PLCXD2: variants seen among roughly 807,000 people sequenced by gnomAD.
PLCXD2 encodes the protein PI-PLC X domain-containing protein 2.
A neutral mutation model predicts 28.6 loss-of-function variants in PLCXD2; 21 were observed. That is an observed-to-expected ratio of 0.73 (90% CI 0.52 to 1.06). The LOEUF is 1.06. Among genes scored for constraint, PLCXD2 ranks in the 50% least tolerant of loss-of-function variants. PLCXD2 has a pLI of 0.00. For synonymous variants in PLCXD2, 140 were observed against 150.1 expected (o/e 0.93, Z 0.49); for missense variants, 369 against 376.7 (o/e 0.98, Z 0.17).
intron 1 of PLCXD2, among the ~76,000 whole-genome samples, chr3:111,695,534 GA>G (rs1301274233): frequency 6.6e-6 from 1 of 152,218 alleles, no homozygotes; most frequent in East Asian, 1.9e-4. Context: ...CCAACACTGT[GA>G]AACTGCAACA....
At chr3:111,681,957 T>A (rs768076750) in intron 1 of PLCXD2, among the ~76,000 whole-genome samples, 1 of 152,204 alleles carries the variant, frequency 6.6e-6, no homozygotes, top group Non-Finnish European at 1.5e-5. Context: ...CAAACCACTT[T>A]GCCAATGCTG....
At chr3:111,690,190 G>C (rs1429712504) in intron 1 of PLCXD2, among the ~76,000 whole-genome samples, 1 of 152,178 alleles carries the variant, frequency 6.6e-6, no homozygotes, top group Non-Finnish European at 1.5e-5. Flanking sequence ...GTCATTGATA[G>C]AGTTGGAGAT....
intron 1 of PLCXD2, among the ~76,000 whole-genome samples, chr3:111,705,410 T>C (rs185344491): frequency 3.7e-4 from 56 of 152,330 alleles, no homozygotes; most frequent in African/African-American, 1.3e-3. Flanking sequence ...CATTCGTTGG[T>C]TGATGAATAT....
At chr3:111,705,908 C>T (rs906810507) in intron 1 of PLCXD2, among the ~76,000 whole-genome samples, 3 of 149,804 alleles carry the variant, frequency 2.0e-5, no homozygotes, top group African/African-American at 7.3e-5. Flanking sequence ...GCTGGAGTGC[C>T]GTGGTACGAT....
intron 1 of PLCXD2, among the ~76,000 whole-genome samples, chr3:111,707,138 T>C (rs1941131641): frequency 6.6e-6 from 1 of 152,160 alleles, no homozygotes; most frequent in Non-Finnish European, 1.5e-5. Context: ...AGGAACAGAA[T>C]GTGCGTTTGG....
intron 2 of PLCXD2, among the ~76,000 whole-genome samples, chr3:111,712,388 G>A (rs1941211076): frequency 6.6e-6 from 1 of 152,092 alleles, no homozygotes; most frequent in Admixed American, 6.5e-5. Context: ...TGCACAGGAC[G>A]GCTTTCCTCA....
At chr3:111,705,303 G>A (rs1163274855) in intron 1 of PLCXD2, among the ~76,000 whole-genome samples, 1 of 152,004 alleles carries the variant, frequency 6.6e-6, no homozygotes, top group Non-Finnish European at 1.5e-5. Flanking sequence ...TGAACATAAC[G>A]TCCCCAGGCT....
Position 111,707,445 on chromosome 3 carries a change from A to G in PLCXD2, c.164-481A>G, listed in dbSNP as rs186941835. On this transcript the variant is annotated intron_variant, in intron 1 of 4. Transcript: ENST00000477665. ...ACCCTCTGTTTCAATGATGGCATGA[A>G]TAAAGTGGATATACCACAACAAAGC... 1.9e-3 allele frequency among the ~76,000 whole-genome samples: 290 copies of G among 152,342 alleles called. 1 individual carries two copies. The highest frequency in any genetic ancestry group is 6.8e-3 in the African/African-American group (281 of 41,584).
intron 1 of PLCXD2, among the ~76,000 whole-genome samples, chr3:111,692,018 G>A (rs919927772): frequency 4.6e-5 from 7 of 152,178 alleles, no homozygotes; most frequent in African/African-American, 1.7e-4. Context: ...AAAACACTGG[G>A]GAGATAAACT....
chr3:111,708,105 C>T lies in PLCXD2; in HGVS notation c.343C>T (p.Leu115=), dbSNP rs1232989406. The change falls in exon 2 of 5, where the codon CTG becomes TTG. Residue 115 remains leucine (L), a synonymous_variant. Coordinates refer to ENST00000477665, the MANE Select transcript of PLCXD2 (RefSeq NM_001185106.1). ...GGAAGCTGGGATCCGCTACTTTGAC[C>T]TGCGTGTGTCTTCCAAACCAGGGGA... is the stretch of plus-strand genomic sequence containing the variant. 5 of 1,614,130 alleles carry T rather than the reference C, an allele frequency of 3.1e-6. No homozygotes were observed. Among genetic ancestry groups the T allele is most frequent in the South Asian group, 1.1e-5 (1 of 91,090 alleles).
chr3:111,715,396 A>G lies in PLCXD2; in HGVS notation c.866+1268A>G, dbSNP rs146112206. Among the ~76,000 whole-genome samples the G allele has an allele frequency of 1.2e-4, 19 of 152,340 alleles. No homozygotes were observed. In the East Asian group the frequency reaches 3.7e-3, roughly 29 times the overall value. On this transcript the variant is annotated intron_variant, in intron 3 of 4. Transcript: ENST00000477665. ...GAGCACCTAGGAAGAGCTAGGTACA[A>G]AGATTCAAGGTGAATATTATACTGT...
intron 1 of PLCXD2, among the ~76,000 whole-genome samples, chr3:111,707,422 C>A (rs1182247697): frequency 6.6e-6 from 1 of 152,040 alleles, no homozygotes; most frequent in African/African-American, 2.4e-5. Context: ...GTTTTCATAC[C>A]CTCTGTTTCA....
intron 1 of PLCXD2, among the ~76,000 whole-genome samples, chr3:111,696,148 T>G (rs1940957994): frequency 6.6e-6 from 1 of 152,188 alleles, no homozygotes; most frequent in Admixed American, 6.5e-5. Context: ...TGGGAAAAAA[T>G]TACTCTTTTT....
chr3:111,700,714 G>C (rs968735409), intron 1 of PLCXD2, among the ~76,000 whole-genome samples: 3 of 152,096 alleles, frequency 2.0e-5, no homozygotes, highest in Admixed American at 2.0e-4. Context: ...ACCTCAGCAG[G>C]CTCTTAACAG....
rs1185235499 is a variant in PLCXD2 at position 111,675,187 on chromosome 3, G to A, written c.-59G>A. 1 of 1,568,600 alleles carries A rather than the reference G, an allele frequency of 6.4e-7. No individual in the cohort carries two copies. The highest frequency in any genetic ancestry group is 1.4e-5 in the African/African-American group (1 of 73,680). ...CTGAAACGTCCACAGAGCCCAAGAA[G>A]TGATGATCACTGAGTGAGTGGCACT... On this transcript the variant is annotated 5_prime_UTR_variant, in exon 1 of 5. In the 5' UTR this introduces an upstream ATG that the reference lacks. Coordinates refer to ENST00000477665, the MANE Select transcript of PLCXD2 (RefSeq NM_001185106.1).
At chr3:111,710,257 T>G (rs1214956636) in intron 2 of PLCXD2, among the ~76,000 whole-genome samples, 1 of 152,242 alleles carries the variant, frequency 6.6e-6, no homozygotes, top group African/African-American at 2.4e-5. Flanking sequence ...TGCTAAATAT[T>G]TATCACACCT....
intron 1 of PLCXD2, among the ~76,000 whole-genome samples, chr3:111,698,206 C>G (rs1360793221): frequency 1.3e-5 from 2 of 152,192 alleles, no homozygotes; most frequent in Non-Finnish European, 2.9e-5. Flanking sequence ...GCCAAGGACT[C>G]TTCTGGGTGT....
rs781364637 is a variant in PLCXD2, at chr3:111,675,254, A to G, written c.9A>G (p.Ala3=). The change falls in exon 1 of 5, where the codon GCA becomes GCG. Residue 3 remains alanine (A), a synonymous_variant. Transcript: ENST00000477665. ...GTTTGTTAACAACAGGGATGCTAGCAGTTAGGAAGGCCAGGAGGAAACTCA... is the reference window on the plus strand; with the variant it reads ...GTTTGTTAACAACAGGGATGCTAGCGGTTAGGAAGGCCAGGAGGAAACTCA... The G allele has an allele frequency of 6.2e-7, 1 of 1,613,896 alleles. No homozygotes were observed. Among genetic ancestry groups the G allele is most frequent in the African/African-American group, 1.3e-5 (1 of 75,028 alleles).
intron 2 of PLCXD2, among the ~76,000 whole-genome samples, chr3:111,709,610 G>A (rs1346081213): frequency 6.6e-6 from 1 of 152,146 alleles, no homozygotes; most frequent in African/African-American, 2.4e-5. Context: ...AGTTGATCAG[G>A]AGAGGCTTCA....
Sources: allele counts gnomAD v4.1 joint callset (sites outside exome capture counted in the v4.1 genomes callset), GRCh38; gene constraint gnomAD v4.1.1; transcripts MANE v1.5; gene names NCBI Gene and HGNC (gene_info 2026-07-23, HGNC 2026-07-21).